Variants in LPCAT2 observed in about 807,000 individuals in gnomAD.
The protein encoded by LPCAT2 is lysophosphatidylcholine acyltransferase 2.
In LPCAT2, 58 loss-of-function variants were observed where a neutral mutation model predicts 64.7. The observed-to-expected ratio is 0.90, with a 90% CI of 0.73 to 1.12. The LOEUF is 1.12. LPCAT2 is among the 50% of genes most tolerant of loss of function. The probability of loss-of-function intolerance (pLI) is 0.00; values close to 1 mark genes in which losing one functional copy is unlikely to be tolerated. For missense variants in LPCAT2, 579 were observed against 669.8 expected, an observed-to-expected ratio of 0.86 and a Z score of 1.50; for synonymous variants, 252 against 245.3, an observed-to-expected ratio of 1.03 and a Z score of -0.26.
At chr16:55,554,474 C>T (rs1963553044) in intron 11 of LPCAT2, among the ~76,000 whole-genome samples, 1 of 152,224 alleles carries the variant, frequency 6.6e-6, no homozygotes, top group African/African-American at 2.4e-5. Context: ...TCCCTCACCT[C>T]TCAGTCTTCA....
intron 6 of LPCAT2, among the ~76,000 whole-genome samples, chr16:55,533,820 A>C (rs1002306550): frequency 6.6e-6 from 1 of 152,126 alleles, no homozygotes; most frequent in African/African-American, 2.4e-5. Context: ...TTTCCTAAAG[A>C]AAGATTTTTG....
intron 11 of LPCAT2, chr16:55,567,058 T>C (rs1963708558): frequency 1.9e-6 from 3 of 1,613,876 alleles, no homozygotes; most frequent in Non-Finnish European, 2.5e-6. Flanking sequence ...ACTGATCTGA[T>C]GAATATTCTC....
chr16:55,549,144 G>C (rs552390392), intron 9 of LPCAT2, 133 bp from the exon 10 acceptor site: 3 of 615,118 alleles, frequency 4.9e-6, no homozygotes, highest in Non-Finnish European at 8.0e-6. Context: ...CAAGAAAAGC[G>C]AGAGTTACTG....
At chr16:55,549,978 C>T (rs993625872) in intron 10 of LPCAT2, among the ~76,000 whole-genome samples, 3 of 152,296 alleles carry the variant, frequency 2.0e-5, no homozygotes, top group Admixed American at 2.0e-4. Flanking sequence ...TCTACCCTTA[C>T]TGCAGTTCAT....
At chr16:55,530,833 TGAG>T (rs1963243504) in intron 4 of LPCAT2, among the ~76,000 whole-genome samples, 1 of 152,114 alleles carries the variant, frequency 6.6e-6, no homozygotes, top group South Asian at 2.1e-4. Context: ...TTGCTCATCT[TGAG>T]GAACAACTTT....
Position 55,568,148 on chromosome 16 carries a change from T to TAA in LPCAT2, c.1216-6476_1216-6475dup, listed in dbSNP as rs5817019. Among the ~76,000 whole-genome samples, 970 of 127,402 alleles carry TAA rather than the reference T, an allele frequency of 7.6e-3. 10 individuals are homozygous for TAA. Among genetic ancestry groups the TAA allele is most frequent in the African/African-American group, 0.023 (897 of 39,634 alleles). The allele number at this position is 127,402 out of a possible 152,430, so 83.6% of individuals were successfully genotyped here. ...AAGTTCTTTAATTCTGTTTCTTTAG[T>TAA]AAAAAAAAGCACTAGCAATTTTGTT... On this transcript the variant is annotated intron_variant, in intron 11 of 13. Transcript: ENST00000262134.
chr16:55,564,405 A>C (rs1963668720), intron 11 of LPCAT2, among the ~76,000 whole-genome samples: 1 of 152,004 alleles, frequency 6.6e-6, no homozygotes, highest in Non-Finnish European at 1.5e-5. Context: ...TTGAAAAAGA[A>C]TAGCAAAGTT....
At chr16:55,566,780 G>C in intron 11 of LPCAT2, 1 of 1,613,392 alleles carries the variant, frequency 6.2e-7, no homozygotes. Context: ...AGGCTCTATT[G>C]GAAGGAGCAG....
At chr16:55,519,753 C>A (rs984171933) in intron 1 of LPCAT2, among the ~76,000 whole-genome samples, 1 of 152,010 alleles carries the variant, frequency 6.6e-6, no homozygotes, top group Non-Finnish European at 1.5e-5. Flanking sequence ...TAAAACATAA[C>A]AATACTGAAA....
intron 11 of LPCAT2, among the ~76,000 whole-genome samples, chr16:55,571,910 TGAA>T (rs1201103823): frequency 1.3e-5 from 2 of 152,138 alleles, no homozygotes; most frequent in African/African-American, 4.8e-5. Flanking sequence ...ATTGGTAAAA[TGAA>T]GAAGTTGAAT....
At chr16:55,519,659 T>A (rs1358141243) in intron 1 of LPCAT2, among the ~76,000 whole-genome samples, 3 of 152,184 alleles carry the variant, frequency 2.0e-5, no homozygotes, top group Non-Finnish European at 1.5e-5. Flanking sequence ...CTTTTTTCTT[T>A]ATATTAATTT....
At chr16:55,552,791 ATCT>A (rs1963532015) in intron 11 of LPCAT2, among the ~76,000 whole-genome samples, 1 of 152,312 alleles carries the variant, frequency 6.6e-6, no homozygotes, top group East Asian at 1.9e-4. Flanking sequence ...GCAAGTTGTA[ATCT>A]TCTTGCTGAT....
At chr16:55,563,325 C>T (rs1367745914) in intron 11 of LPCAT2, among the ~76,000 whole-genome samples, 2 of 151,880 alleles carry the variant, frequency 1.3e-5, no homozygotes, top group Admixed American at 6.6e-5. Flanking sequence ...CAGTTCTTTT[C>T]AAACTCTTCC....
At chr16:55,513,315 G>C (rs1169642159) in intron 1 of LPCAT2, among the ~76,000 whole-genome samples, 3 of 152,104 alleles carry the variant, frequency 2.0e-5, no homozygotes, top group African/African-American at 7.2e-5. Context: ...ACTGAAAACT[G>C]TTATATCTGA....
chr16:55,553,878 T>A (rs1252042991), intron 11 of LPCAT2, among the ~76,000 whole-genome samples: 1 of 152,234 alleles, frequency 6.6e-6, no homozygotes, highest in African/African-American at 2.4e-5. Context: ...GCAGAATGGA[T>A]GTTGTGTTAG....
chr16:55,530,572 C>A (rs1390914933), intron 4 of LPCAT2, among the ~76,000 whole-genome samples: 1 of 152,034 alleles, frequency 6.6e-6, no homozygotes, highest in Non-Finnish European at 1.5e-5. Flanking sequence ...CAGTTGAAAA[C>A]AACTCATCTC....
At position 55,528,445 on chromosome 16, in the gene LPCAT2, C is replaced by T; in HGVS notation, c.380C>T (p.Ala127Val). ...AMFFSMGFIV[A>V]VKGKIASPLE... The stretch of plus-strand genomic sequence containing the variant: ...TTCTTTTCAATGGGATTTATAGTTG[C>T]TGTAAAAGGAAAGATTGCAAGTCCT... Residue 127 changes from alanine to valine, a missense_variant, in exon 3 of 14, where the codon GCT (alanine) becomes GTT (valine). Transcript: ENST00000262134. 3 of 1,613,948 alleles carry T rather than the reference C, an allele frequency of 1.9e-6. No homozygotes were observed. The highest frequency in any genetic ancestry group is 2.5e-6 in the Non-Finnish European group (3 of 1,179,954).
intron 9 of LPCAT2, 21 bp from the exon 10 acceptor site, chr16:55,549,256 T>C: frequency 6.6e-7 from 1 of 1,519,996 alleles, no homozygotes; most frequent in Non-Finnish European, 8.8e-7. Flanking sequence ...TGAATTTTAG[T>C]TTGCTTCTTA....
Position 55,541,792 on chromosome 16 carries a change from A to C in LPCAT2, c.853-3943A>C, listed in dbSNP as rs902892004. The C allele has an allele frequency of 1.1e-5, 12 of 1,090,596 alleles. No homozygotes were observed. In the Admixed American group the frequency reaches 2.3e-4, roughly 21 times the overall value. The allele number at this position is 1,090,596 out of a possible 1,614,324, so 67.6% of individuals were successfully genotyped here. Reference sequence around the variant, plus strand: ...TAAAGTTACTTATGTGCTGGCACATAGTAAGTGTTCAATAAGCACTAACTT... The same window carrying C: ...TAAAGTTACTTATGTGCTGGCACATCGTAAGTGTTCAATAAGCACTAACTT... On this transcript the variant is annotated intron_variant, in intron 8 of 13. Transcript: ENST00000262134.
Sources: gnomAD v4.1 joint callset for allele counts (sites outside exome capture counted in the v4.1 genomes callset) on GRCh38, gnomAD v4.1.1 for gene constraint, MANE v1.5 for transcripts, NCBI Gene and HGNC (gene_info 2026-07-23, HGNC 2026-07-21) for gene names.